The following ZFPM1 variants were observed in gnomAD, a reference collection of about 807,000 sequenced individuals.
The protein encoded by ZFPM1 is zinc finger protein, FOG family member 1.
Under a neutral mutation model 46.3 loss-of-function variants are expected in ZFPM1, and 28 were observed. That is an observed-to-expected ratio of 0.60 (90% confidence interval 0.45 to 0.83). The LOEUF is 0.83. Among genes scored for constraint, ZFPM1 ranks in the 40% least tolerant of loss-of-function variants. The pLI, the probability that ZFPM1 is intolerant of heterozygous loss-of-function variation, is 0.00. For missense variants in ZFPM1, 1,878 were observed against 1,432.4 expected (o/e 1.31, Z -5.02); for synonymous variants, 957 against 675.9 (o/e 1.42, Z -6.45).
At chr16:88,528,475 G>A (rs1912522284) in intron 6 of ZFPM1, among the ~76,000 whole-genome samples, 1 of 152,214 alleles carries the variant, frequency 6.6e-6, no homozygotes, top group Non-Finnish European at 1.5e-5. Context: ...AGGCAAGCGG[G>A]CTTAGGCACA....
At chr16:88,510,236 C>G (rs1278419299) in intron 3 of ZFPM1, among the ~76,000 whole-genome samples, 1 of 152,198 alleles carries the variant, frequency 6.6e-6, no homozygotes, top group Non-Finnish European at 1.5e-5. Flanking sequence ...GACTTGGCCC[C>G]AGGCCTGTGG....
rs1469008840 is a variant in ZFPM1 at position 88,535,011 on chromosome 16, C to T, written c.*32C>T. 1.5e-6 allele frequency: 2 copies of T among 1,357,448 alleles called. No homozygotes were observed. The highest frequency in any genetic ancestry group is 3.0e-5 in the African/African-American group (2 of 67,234). The allele number at this position is 1,357,448 out of a possible 1,614,324, so 84.1% of individuals were successfully genotyped here. ...ACACTACAGCCGCAGACGCTTTGCA[C>T]GCCCCGCTGCGATGCGGGGAGGGGG... On this transcript the variant is annotated 3_prime_UTR_variant, in exon 10 of 10. Transcript: ENST00000319555.
chr16:88,491,720 G>C (rs1202946754), intron 3 of ZFPM1, among the ~76,000 whole-genome samples: 1 of 152,220 alleles, frequency 6.6e-6, no homozygotes, highest in African/African-American at 2.4e-5. Flanking sequence ...TGTGCTGTGT[G>C]CATCCTCAGG....
At chr16:88,528,730 G>A (rs1597285188) in intron 6 of ZFPM1, among the ~76,000 whole-genome samples, 1 of 101,474 alleles carries the variant, frequency 9.9e-6, no homozygotes, top group East Asian at 3.3e-4. Context: ...GACATCTGTT[G>A]GTTGGGTTTT....
intron 5 of ZFPM1, among the ~76,000 whole-genome samples, chr16:88,527,403 T>C (rs7203868): frequency 0.98 from 148,833 of 152,228 alleles, 72,843 homozygotes; most frequent in Non-Finnish European, 1. Context: ...CACGTCTGGG[T>C]GGCCTGCACC....
At chr16:88,489,344 G>A (rs562245902) in intron 3 of ZFPM1, 191 bp downstream of exon 3, 92 of 907,296 alleles carry the variant, frequency 1.0e-4, no homozygotes, top group Admixed American at 7.4e-4. Flanking sequence ...TGGCACCCTC[G>A]CGCCAATCCC....
Position 88,526,717 on chromosome 16 carries a change from G to A in ZFPM1, c.403-97G>A. 3.0e-6 allele frequency: 4 copies of A among 1,323,642 alleles called. No individual in the cohort carries two copies. The Admixed American group carries it at 6.5e-5, about 21-fold the overall frequency. 82.0% of individuals were successfully genotyped at this position (1,323,642 alleles called of 1,614,324 possible). On this transcript the variant is annotated intron_variant, in intron 4 of 9. Coordinates refer to ENST00000319555, the MANE Select transcript of ZFPM1 (RefSeq NM_153813.3). ...GCTTGGCCTACCAGCCAAGCCGGGA[G>A]GCAGATCCGTGTCACAGATGCCCCA...
Position 88,533,767 on chromosome 16 carries a change from C to A in ZFPM1, c.1809C>A (p.Arg603=). The A allele has an allele frequency of 1.4e-6, 2 of 1,423,410 alleles. No individual in the cohort carries two copies. Among genetic ancestry groups the A allele is most frequent in the Non-Finnish European group, 1.9e-6 (2 of 1,079,298 alleles). 88.2% of individuals were successfully genotyped at this position (1,423,410 alleles called of 1,614,324 possible). ...YVHKRLYCSG[R]RAPEDAPAAR... is the part of the protein sequence containing the mutation. ...ACAAGCGCCTCTACTGTTCAGGCCGCCGTGCGCCCGAGGACGCGCCTGCCG... is the reference window on the plus strand; with the variant it reads ...ACAAGCGCCTCTACTGTTCAGGCCGACGTGCGCCCGAGGACGCGCCTGCCG... The change falls in exon 10 of 10, where the codon CGC becomes CGA. Residue 603 remains arginine, a synonymous_variant. Transcript: ENST00000319555.
At chr16:88,528,324 G>A in intron 6 of ZFPM1, 86 bp downstream of exon 6, 1 of 1,379,206 alleles carries the variant, frequency 7.3e-7, no homozygotes, top group Non-Finnish European at 9.7e-7. Context: ...CTGAGGGTGG[G>A]AAGCTCGGGG....
chr16:88,474,578 G>A (rs866325877), intron 1 of ZFPM1, among the ~76,000 whole-genome samples: 16 of 151,928 alleles, frequency 1.1e-4, no homozygotes, highest in South Asian at 2.1e-4. Flanking sequence ...GTCCCACTTC[G>A]GGGGGCGGGG....
At chr16:88,462,508 G>T (rs1907943908) in intron 1 of ZFPM1, among the ~76,000 whole-genome samples, 1 of 152,228 alleles carries the variant, frequency 6.6e-6, no homozygotes, top group Admixed American at 6.5e-5. Flanking sequence ...GGAGGCAGCG[G>T]CAGGGCAGGG....
At chr16:88,509,315 C>T (rs1910825534) in intron 3 of ZFPM1, among the ~76,000 whole-genome samples, 1 of 152,242 alleles carries the variant, frequency 6.6e-6, no homozygotes, top group African/African-American at 2.4e-5. Context: ...CTATGGGAGC[C>T]ACAGGGCGGG....
At position 88,487,459 on chromosome 16, in the gene ZFPM1, C is replaced by T. The variant is rs768527410; in HGVS notation, c.145+1416C>T. Among the ~76,000 whole-genome samples, 4 of 152,156 alleles carry T rather than the reference C, an allele frequency of 2.6e-5. No individual in the cohort carries two copies. The South Asian group carries it at 6.2e-4, about 24-fold the overall frequency. On this transcript the variant is annotated intron_variant, in intron 2 of 9. Transcript: ENST00000319555. The stretch of plus-strand genomic sequence containing the variant: ...AGCTGGGGTGGAGGAGAGATGGATG[C>T]GTGGGGCTGCCCCTGACGGGCGGAA...
intron 1 of ZFPM1, among the ~76,000 whole-genome samples, chr16:88,473,012 G>T (rs929271092): frequency 1.3e-5 from 2 of 152,278 alleles, no homozygotes; most frequent in African/African-American, 4.8e-5. Flanking sequence ...GGCCAGCTGG[G>T]CAGGAGGTCT....
chr16:88,454,186 C>T (rs930821608), intron 1 of ZFPM1, among the ~76,000 whole-genome samples: 4 of 152,106 alleles, frequency 2.6e-5, no homozygotes, highest in Non-Finnish European at 4.4e-5. Context: ...CACCCGGGGC[C>T]GCGGAGATGC....
At chr16:88,465,900 C>T (rs78485112) in intron 1 of ZFPM1, among the ~76,000 whole-genome samples, 2 of 152,144 alleles carry the variant, frequency 1.3e-5, no homozygotes, top group Non-Finnish European at 2.9e-5. Context: ...GGTGAAGCAG[C>T]CATAGGGGTG....
rs114155815 is a variant in ZFPM1, at chr16:88,528,550, C to A, written c.712+312C>A. On this transcript the variant is annotated intron_variant, in intron 6 of 9. Coordinates refer to ENST00000319555, the MANE Select transcript of ZFPM1 (RefSeq NM_153813.3). ...CTTTCCCTGGGGGCAGACGCGGGGG[C>A]GGCCCTGACTGTGGGCCAGAGCAGG... Among the ~76,000 whole-genome samples the A allele has an allele frequency of 9.1e-3, 1,383 of 152,280 alleles. 32 individuals are homozygous for A. The highest frequency in any genetic ancestry group is 0.032 in the African/African-American group (1,324 of 41,548).
intron 3 of ZFPM1, among the ~76,000 whole-genome samples, chr16:88,489,596 G>A (rs62048971): frequency 0.16 from 24,793 of 152,192 alleles, 2,181 homozygotes; most frequent in East Asian, 0.28. Flanking sequence ...GCAGGAGAGG[G>A]CCCCACCCCA....
intron 7 of ZFPM1, 61 bp from the exon 8 acceptor site, chr16:88,532,553 A>G: frequency 6.6e-7 from 1 of 1,512,878 alleles, no homozygotes; most frequent in Non-Finnish European, 8.9e-7. Context: ...CGCCTTCCTC[A>G]TCCCTGGAGT....
Sources: allele counts gnomAD v4.1 joint callset (sites outside exome capture counted in the v4.1 genomes callset), GRCh38; gene constraint gnomAD v4.1.1; transcripts MANE v1.5; gene names NCBI Gene and HGNC (gene_info 2026-07-23, HGNC 2026-07-21).